TMEM165: variants seen among roughly 807,000 people sequenced by gnomAD.
The protein encoded by TMEM165 is transmembrane protein 165, also known as putative divalent cation/proton antiporter TMEM165.
In TMEM165, 19 loss-of-function variants were observed where a neutral mutation model predicts 30.0. The ratio of observed to expected loss-of-function variants is 0.63; its 90% CI spans 0.44 to 0.93. The LOEUF is 0.93. Ranked by LOEUF, TMEM165 falls within the 40% of genes least tolerant of loss-of-function variation. The pLI is 0.00. For synonymous variants in TMEM165, 168 were observed against 162.9 expected, an observed-to-expected ratio of 1.03 and a Z score of -0.24; for missense variants, 340 against 417.0, an observed-to-expected ratio of 0.82 and a Z score of 1.61.
At chr4:55,434,571 G>A (rs1722737107) in intron 3 of TMEM165, 1 of 148,070 alleles carries the variant, frequency 6.8e-6, no homozygotes, top group African/African-American at 2.4e-5. Flanking sequence ...TGAAAATCCT[G>A]TTGTATCAAT....
chr4:55,426,286 A>C (rs1269946997), downstream of TMEM165: 1 of 152,230 alleles, frequency 6.6e-6, no homozygotes, highest in Non-Finnish European at 1.5e-5. Flanking sequence ...TAAAGTAGCT[A>C]AACAGGAGCC....
At chr4:55,440,380 CTTCTTTGTGGAACAATATTAT>C (rs1370683664) in intron 3 of TMEM165, among the ~76,000 whole-genome samples, 1 of 152,126 alleles carries the variant, frequency 6.6e-6, no homozygotes, top group African/African-American at 2.4e-5. Context: ...AAAAATGATG[CTTCTTTGTGGAACAATATTAT>C]TTCCATTTGC....
chr4:55,426,006 T>C lies in TMEM165; in HGVS notation c.*554T>C, dbSNP rs1235834979. 2 of 152,022 alleles carry C rather than the reference T, an allele frequency of 1.3e-5. No homozygotes were observed. The highest frequency in any genetic ancestry group is 4.8e-5 in the African/African-American group (2 of 41,422). 9.4% of individuals were successfully genotyped at this position (152,022 alleles called of 1,614,324 possible). ...CAAGAACTGTCTGCCAGGTCATTCT[T>C]CCTCTTTTTTTTTTAATTGGGTAGG... On this transcript the variant is annotated 3_prime_UTR_variant, in exon 6 of 6. Coordinates refer to ENST00000381334, the MANE Select transcript of TMEM165 (RefSeq NM_018475.5).
At chr4:55,446,101 C>CTT (rs766235766) in intron 3 of TMEM165, among the ~76,000 whole-genome samples, 4,046 of 107,234 alleles carry the variant, frequency 0.038, 85 homozygotes, top group Non-Finnish European at 0.059. Flanking sequence ...AATTTAACTT[C>CTT]TTTTTTTTTT....
intron 1 of TMEM165, among the ~76,000 whole-genome samples, chr4:55,409,094 G>A (rs1721383165): frequency 6.6e-6 from 1 of 152,094 alleles, no homozygotes. Context: ...CAAAATAATG[G>A]AGAGAAAGCA....
chr4:55,418,231 A>G (rs1721820651), intron 4 of TMEM165: 2 of 380,828 alleles, frequency 5.3e-6, no homozygotes, highest in Non-Finnish European at 4.6e-6. Context: ...GGTTTTGCCA[A>G]AATGATGCCG....
chr4:55,446,084 G>A (rs1017062884), intron 3 of TMEM165, among the ~76,000 whole-genome samples: 1 of 147,028 alleles, frequency 6.8e-6, no homozygotes, highest in Admixed American at 7.0e-5. Context: ...ACCACTTACT[G>A]GAAAAAAATT....
rs1316160494 is a variant in TMEM165, at chr4:55,402,267, GTAACAA to G, written c.207+5875_207+5880del. ...TATAAATTCTAATATAAATTAACAAGTAACAATAAAGTATTTAAAAATAGTGAAACC... is the reference window on the plus strand; with the variant it reads ...TATAAATTCTAATATAAATTAACAAGTAAAGTATTTAAAAATAGTGAAACC... On this transcript the variant is annotated intron_variant, in intron 1 of 5. Coordinates refer to ENST00000381334, the MANE Select transcript of TMEM165 (RefSeq NM_018475.5). 6.0e-5 allele frequency among the ~76,000 whole-genome samples: 5 copies of G among 82,702 alleles called. 1 individual carries two copies. Among genetic ancestry groups the G allele is most frequent in the African/African-American group, 1.8e-4 (5 of 27,088 alleles). 54.3% of individuals were successfully genotyped at this position (82,702 alleles called of 152,430 possible).
chr4:55,448,568 C>G (rs1724081144), intron 3 of TMEM165, among the ~76,000 whole-genome samples: 1 of 150,034 alleles, frequency 6.7e-6, no homozygotes, highest in African/African-American at 2.4e-5. Flanking sequence ...GCATCTGTAA[C>G]TATAATTATA....
At chr4:55,406,741 C>G (rs1295418672) in intron 1 of TMEM165, among the ~76,000 whole-genome samples, 1 of 151,970 alleles carries the variant, frequency 6.6e-6, no homozygotes, top group Non-Finnish European at 1.5e-5. Context: ...CTCACTGCAA[C>G]TTGTACCTCC....
At chr4:55,434,818 A>G (rs1722754087) in intron 3 of TMEM165, 2 of 157,414 alleles carry the variant, frequency 1.3e-5, no homozygotes, top group South Asian at 1.9e-4. Context: ...GCAGCATACA[A>G]AATGTTTTGC....
chr4:55,419,035 A>G (rs1721858937), intron 4 of TMEM165, among the ~76,000 whole-genome samples: 1 of 152,206 alleles, frequency 6.6e-6, no homozygotes, highest in African/African-American at 2.4e-5. Context: ...GCAGAGTGAG[A>G]TGCTATCTCA....
At chr4:55,443,874 G>GAT in intron 3 of TMEM165, 1 of 1,612,810 alleles carries the variant, frequency 6.2e-7, no homozygotes, top group Non-Finnish European at 8.5e-7. Flanking sequence ...ATTCAACCCA[G>GAT]GATTTGATTG....
At chr4:55,450,740 G>A (rs1418603565) in intron 3 of TMEM165, among the ~76,000 whole-genome samples, 2 of 150,716 alleles carry the variant, frequency 1.3e-5, no homozygotes, top group Non-Finnish European at 2.9e-5. Context: ...CTGCATTCCA[G>A]CCTGGGCAAA....
downstream of TMEM165, among the ~76,000 whole-genome samples, chr4:55,426,960 ACT>A (rs1489485274): frequency 2.6e-5 from 4 of 151,944 alleles, no homozygotes; most frequent in African/African-American, 4.8e-5. Flanking sequence ...ATTAAGATAA[ACT>A]CTGTGGTTAG....
intron 1 of TMEM165, among the ~76,000 whole-genome samples, chr4:55,400,185 AT>A (rs1345767566): frequency 1.2e-3 from 138 of 115,818 alleles, no homozygotes; most frequent in Non-Finnish European, 1.6e-3. Flanking sequence ...TATATAAAAA[AT>A]AATATATAAA....
chr4:55,429,824 A>C (rs1722388915), downstream of TMEM165: 1 of 152,206 alleles, frequency 6.6e-6, no homozygotes, highest in Non-Finnish European at 1.5e-5. Flanking sequence ...AGTTATTTCT[A>C]AAATTCTTTC....
At chr4:55,412,393 CAAAAAA>C (rs371124857) in intron 2 of TMEM165, among the ~76,000 whole-genome samples, 9 of 54,364 alleles carry the variant, frequency 1.7e-4, no homozygotes, top group Non-Finnish European at 2.2e-4. Flanking sequence ...GACTCCATCT[CAAAAAA>C]AAAAAAAAAA....
intron 1 of TMEM165, among the ~76,000 whole-genome samples, chr4:55,401,563 TTA>T (rs1720994608): frequency 6.6e-6 from 1 of 150,694 alleles, no homozygotes; most frequent in Admixed American, 6.6e-5. Flanking sequence ...TATTTTTACT[TTA>T]TGTTTTGGTA....
Sources: allele counts gnomAD v4.1 joint callset (sites outside exome capture counted in the v4.1 genomes callset), GRCh38; gene constraint gnomAD v4.1.1; transcripts MANE v1.5; gene names NCBI Gene and HGNC (gene_info 2026-07-23, HGNC 2026-07-21).